ARHGAP21: variants seen among roughly 807,000 people sequenced by gnomAD.
ARHGAP21 encodes the protein Rho GTPase activating protein 21, also known as rho GTPase-activating protein 21.
Under a neutral mutation model 164.6 loss-of-function variants are expected in ARHGAP21, and 38 were observed. The observed-to-expected ratio is 0.23, with a 90% CI of 0.18 to 0.30. The LOEUF (loss-of-function observed/expected upper bound fraction) is 0.30. Ranked by LOEUF, ARHGAP21 falls within the 10% of genes least tolerant of loss-of-function variation. ARHGAP21 has a pLI of 1.00. For synonymous variants in ARHGAP21, 766 were observed against 857.9 expected (o/e 0.89, Z 1.87); for missense variants, 1,822 against 2,370.7 (o/e 0.77, Z 4.81).
Position 24,620,058 on chromosome 10 carries a change from G to C in ARHGAP21, c.1837C>G (p.Gln613Glu), listed in dbSNP as rs1386931826. The change falls in exon 9 of 26, where the codon CAA becomes GAA. Residue 613 changes from glutamine (Q) to glutamate (E), a missense_variant. By Grantham distance (29) the Gln-to-Glu change is conservative (BLOSUM62 2). This residue lies in a region of ARHGAP21 where 1,090 missense variants were observed against 1,378.9 expected (regional missense o/e 0.79). Transcript: ENST00000396432. ...ACTTTCACAAGAGGTGACCTGTCTT[G>C]TGAAATACCCCGAGGCAGTGACATT... ...CGMSLPRGIS[Q>E]DRSPLVKVRS... is the part of the protein sequence containing the mutation. The C allele has an allele frequency of 6.2e-7, 1 of 1,613,942 alleles. No homozygotes were observed. The highest frequency in any genetic ancestry group is 1.7e-5 in the Admixed American group (1 of 60,018).
At chr10:24,652,901 T>A (rs1261603061) in intron 4 of ARHGAP21, among the ~76,000 whole-genome samples, 1 of 152,140 alleles carries the variant, frequency 6.6e-6, no homozygotes, top group South Asian at 2.1e-4. Flanking sequence ...GACCCAGCAA[T>A]GCCTAGATAT....
intron 2 of ARHGAP21, among the ~76,000 whole-genome samples, chr10:24,700,945 G>T (rs183709548): frequency 1.3e-5 from 2 of 152,248 alleles, no homozygotes; most frequent in East Asian, 3.9e-4. Flanking sequence ...TGTAGATACT[G>T]CTGGTCAGTT....
intron 25 of ARHGAP21, 77 bp downstream of exon 25, chr10:24,589,194 A>ATT (rs1205964624): frequency 4.7e-5 from 60 of 1,269,586 alleles, no homozygotes; most frequent in Non-Finnish European, 6.5e-5. Context: ...AGAGGAATGC[A>ATT]TTTGTGTATC....
rs1390571927 is a variant in ARHGAP21, at chr10:24,602,004, G to A, written c.2821C>T (p.Arg941Ter). Residue 941 changes from arginine (R) to a stop codon, truncating the protein, a stop_gained, in exon 13 of 26, where the codon CGA becomes TGA. Coordinates refer to ENST00000396432, the MANE Select transcript of ARHGAP21 (RefSeq NM_020824.4). LOFTEE classifies it high-confidence loss of function. ...DAAKEGWLHF[R>*]PLVTDKGKRV... ...TTGCCCTTATCGGTGACAAGGGGTC[G>A]GAAATGAAGCCACCCTTCCTTGGCA... 1.2e-6 allele frequency: 2 copies of A among 1,611,386 alleles called. No individual in the cohort carries two copies. The highest frequency in any genetic ancestry group is 1.7e-6 in the Non-Finnish European group (2 of 1,179,700).
At chr10:24,708,538 C>T (rs967438475) in intron 2 of ARHGAP21, among the ~76,000 whole-genome samples, 4 of 152,188 alleles carry the variant, frequency 2.6e-5, no homozygotes, top group African/African-American at 9.7e-5. Context: ...AAATAACACA[C>T]ACTGTACCCA....
At chr10:24,647,959 T>C (rs1311113063) in intron 4 of ARHGAP21, among the ~76,000 whole-genome samples, 2 of 152,146 alleles carry the variant, frequency 1.3e-5, no homozygotes, top group African/African-American at 4.8e-5. Context: ...TGCCTCAGCC[T>C]CCCAAGTAGA....
intron 2 of ARHGAP21, among the ~76,000 whole-genome samples, chr10:24,676,055 G>C (rs947063002): frequency 2.0e-5 from 3 of 152,172 alleles, no homozygotes; most frequent in African/African-American, 7.2e-5. Context: ...GGCTGAGGCA[G>C]GAGAAGCACT....
rs139972244 is a variant in ARHGAP21 at position 24,659,454 on chromosome 10, T to C, written c.268+7531A>G. ...CCTCAGCCTTGCGAGTAGCTGGGAT[T>C]ACAGGCATGTGCCACCACACCCGGC... On this transcript the variant is annotated intron_variant, in intron 4 of 25. Coordinates refer to ENST00000396432, the MANE Select transcript of ARHGAP21 (RefSeq NM_020824.4). Among the ~76,000 whole-genome samples, 1,271 of 152,300 alleles carry C rather than the reference T, an allele frequency of 8.3e-3. 16 individuals are homozygous for C. Among genetic ancestry groups the C allele is most frequent in the African/African-American group, 0.029 (1,185 of 41,568 alleles).
chr10:24,620,630 G>A lies in ARHGAP21; in HGVS notation c.1265C>T (p.Thr422Met), dbSNP rs143207543. ...LDSLRAASQSTTDYNQVVPNR... is the reference protein window; with the variant it reads ...LDSLRAASQSMTDYNQVVPNR... ...GGGGACGACCTGGTTATAATCTGTC[G>A]TGCTTTGAGATGCTGCTCTTAAACT... is the stretch of plus-strand genomic sequence containing the variant. Residue 422 changes from threonine (T) to methionine (M), a missense_variant, in exon 9 of 26, where the codon ACG becomes ATG. Physicochemically the swap from Thr to Met is moderately conservative, Grantham distance 81. This residue lies in a region of ARHGAP21 where 1,090 missense variants were observed against 1,378.9 expected (regional missense o/e 0.79). Coordinates refer to ENST00000396432, the MANE Select transcript of ARHGAP21 (RefSeq NM_020824.4). The A allele has an allele frequency of 1.2e-5, 19 of 1,614,206 alleles. No homozygotes were observed. Among genetic ancestry groups the A allele is most frequent in the South Asian group, 4.4e-5 (4 of 91,086 alleles).
In ARHGAP21 at chr10:24,604,266, C is replaced by G. The variant is rs774284810; in HGVS notation, c.2721+46G>C. On this transcript the variant is annotated intron_variant, in intron 12 of 25. Transcript: ENST00000396432. The stretch of plus-strand genomic sequence containing the variant: ...TCTACTGGGTAAAAGAAGTACTTCT[C>G]TATGAAGAGATAAACTAAGGTAAGT... 6 of 1,353,154 alleles carry G rather than the reference C, an allele frequency of 4.4e-6. No individual in the cohort carries two copies. The East Asian group carries it at 1.5e-4, about 33-fold the overall frequency. 83.8% of individuals were successfully genotyped at this position (1,353,154 alleles called of 1,614,324 possible).
At chr10:24,649,432 AG>A (rs968892467) in intron 4 of ARHGAP21, among the ~76,000 whole-genome samples, 8 of 152,218 alleles carry the variant, frequency 5.3e-5, no homozygotes, top group Non-Finnish European at 1.0e-4. Context: ...CGCACTTAAG[AG>A]GAAGGGTAAC....
intron 11 of ARHGAP21, among the ~76,000 whole-genome samples, chr10:24,606,440 T>C (rs2077028803): frequency 6.6e-6 from 1 of 152,092 alleles, no homozygotes; most frequent in South Asian, 2.1e-4. Flanking sequence ...AACTGCTAAG[T>C]GTCAAATTAA....
chr10:24,629,867 A>C, intron 7 of ARHGAP21, 129 bp downstream of exon 7: 2 of 749,236 alleles, frequency 2.7e-6, no homozygotes, highest in Non-Finnish European at 4.7e-6. Flanking sequence ...CAGATTCTGT[A>C]AAAGGAACCA....
Position 24,594,945 on chromosome 10 carries a change from C to T in ARHGAP21, c.3876+5G>A. On this transcript the variant is annotated splice_donor_5th_base_variant and intron_variant, in intron 21 of 25. Transcript: ENST00000396432. Reference sequence around the variant, plus strand: ...GTACATTTCTTCAATAAGCATTTTACATACCTTATTTTTTTCTGAATTTTC... The same window carrying T: ...GTACATTTCTTCAATAAGCATTTTATATACCTTATTTTTTTCTGAATTTTC... 1.9e-6 allele frequency: 3 copies of T among 1,596,286 alleles called. No homozygotes were observed. Among genetic ancestry groups the T allele is most frequent in the Non-Finnish European group, 2.6e-6 (3 of 1,167,118 alleles).
At chr10:24,704,289 C>CTTTTTTTT (rs201080039) in intron 2 of ARHGAP21, among the ~76,000 whole-genome samples, 5 of 125,976 alleles carry the variant, frequency 4.0e-5, no homozygotes, top group African/African-American at 6.3e-5. Flanking sequence ...TTTTTCTTTT[C>CTTTTTTTT]TTTTTTTTTT....
At position 24,623,584 on chromosome 10, in the gene ARHGAP21, C is replaced by T. The variant is rs1593065679; in HGVS notation, c.496-822G>A. 3.3e-5 allele frequency among the ~76,000 whole-genome samples: 5 copies of T among 152,266 alleles called. No individual in the cohort carries two copies. In the South Asian group the frequency reaches 1.0e-3, roughly 32 times the overall value. Reference sequence around the variant, plus strand: ...CTTTTCCATGCTGATTAGAATCATACCAATACTTTTCTGCAATAGGAAAAT... The same window carrying T: ...CTTTTCCATGCTGATTAGAATCATATCAATACTTTTCTGCAATAGGAAAAT... On this transcript the variant is annotated intron_variant, in intron 7 of 25. Transcript: ENST00000396432.
At position 24,625,435 on chromosome 10, in the gene ARHGAP21, T is replaced by C. The variant is rs149145053; in HGVS notation, c.496-2673A>G. Among the ~76,000 whole-genome samples the C allele has an allele frequency of 1.5e-3, 230 of 152,314 alleles. 5 individuals carry two copies. In the East Asian group the frequency reaches 0.038, roughly 25 times the overall value. On this transcript the variant is annotated intron_variant, in intron 7 of 25. Transcript: ENST00000396432. ...GATAAAAGCAAGAGTAACTTCATGT[T>C]TGTTGGTAGATGCCAACCATGCCAG...
Position 24,597,473 on chromosome 10 carries a change from T to A in ARHGAP21, c.3308A>T (p.Glu1103Val), listed in dbSNP as rs2076633947. ...TTTACTGAGAAGTTTCCTTTCCGAC[T>A]CTTCCTTCGGAGAGTGTGGGCTTTG... ...KTQSPHSPKEESERKLLSKDD... is the reference protein window; with the variant it reads ...KTQSPHSPKEVSERKLLSKDD... Residue 1103 changes from glutamate (E) to valine (V), a missense_variant, in exon 16 of 26, where the codon GAG (glutamate) becomes GTG (valine). Transcript: ENST00000396432. 6.2e-7 allele frequency: 1 copy of A among 1,613,736 alleles called. No homozygotes were observed. Among genetic ancestry groups the A allele is most frequent in the South Asian group, 1.1e-5 (1 of 90,972 alleles).
intron 2 of ARHGAP21, among the ~76,000 whole-genome samples, chr10:24,708,181 C>G (rs1162406140): frequency 6.6e-6 from 1 of 152,130 alleles, no homozygotes; most frequent in Non-Finnish European, 1.5e-5. Flanking sequence ...TACTGAAAAG[C>G]TTGTTTCTAA....
Sources: allele counts gnomAD v4.1 joint callset (sites outside exome capture counted in the v4.1 genomes callset), GRCh38; gene constraint gnomAD v4.1.1; regional missense constraint gnomAD v4.1.1; transcripts MANE v1.5; gene names NCBI Gene and HGNC (gene_info 2026-07-23, HGNC 2026-07-21).